MMP26: variants seen among roughly 807,000 people sequenced by gnomAD.
MMP26 encodes matrix metallopeptidase 26, also known as matrix metalloproteinase-26.
MMP26 carries 33 observed loss-of-function variants against 31.0 expected under a neutral mutation model. The observed-to-expected ratio is 1.06, with a 90% CI of 0.81 to 1.42. The LOEUF (loss-of-function observed/expected upper bound fraction) is 1.42, where lower values mean the gene tolerates loss of function less well. Ranked by LOEUF, MMP26 falls within the 40% of genes most tolerant of loss-of-function variation. The pLI is 0.00. For missense variants in MMP26, 347 were observed against 316.1 expected, an observed-to-expected ratio of 1.10 and a Z score of -0.74; for synonymous variants, 122 against 114.9, an observed-to-expected ratio of 1.06 and a Z score of -0.40.
At chr11:4,720,935 T>A (rs1314748244) in intron 1 of MMP26, among the ~76,000 whole-genome samples, 1 of 152,152 alleles carries the variant, frequency 6.6e-6, no homozygotes, top group African/African-American at 2.4e-5. Flanking sequence ...GCTGGAAGTG[T>A]GGGAAAAAAT....
intron 2 of MMP26, chr11:4,973,942 G>C (rs924705147): frequency 9.2e-5 from 14 of 151,992 alleles, no homozygotes; most frequent in African/African-American, 3.4e-4. Context: ...AGAGGTATAA[G>C]TAGATCGGCT....
At chr11:4,803,681 C>T (rs761915005) in intron 2 of MMP26, 42 of 1,613,732 alleles carry the variant, frequency 2.6e-5, no homozygotes, top group Non-Finnish European at 3.2e-5. Context: ...CGGGCTTCAC[C>T]TGAGGGCAAC....
intron 2 of MMP26, among the ~76,000 whole-genome samples, chr11:4,974,457 GTT>G (rs1225609996): frequency 1.3e-5 from 2 of 151,714 alleles, no homozygotes; most frequent in Admixed American, 6.6e-5. Flanking sequence ...TCAAAAATAC[GTT>G]GTCATTCTTT....
In MMP26 at chr11:4,822,048, A is replaced by G. The variant is rs771190598; in HGVS notation, c.-145+54707A>G. On this transcript the variant is annotated intron_variant, in intron 2 of 7. Coordinates refer to ENST00000380390, the MANE Select transcript of MMP26 (RefSeq NM_021801.5). The stretch of plus-strand genomic sequence containing the variant: ...GTCTGTTTGCGCTTTTGTCCACTAC[A>G]GGGTTTGACTGCCCTTGCATCCTGC... 8 of 1,613,928 alleles carry G rather than the reference A, an allele frequency of 5.0e-6. No homozygotes were observed. In the Admixed American group the frequency reaches 1.2e-4, roughly 24 times the overall value.
intron 2 of MMP26, among the ~76,000 whole-genome samples, chr11:4,844,920 G>A (rs1019910569): frequency 6.6e-6 from 1 of 151,986 alleles, no homozygotes; most frequent in Non-Finnish European, 1.5e-5. Context: ...TTAAGAAAAG[G>A]AAATAAAGTC....
In MMP26 at chr11:4,950,678, C is replaced by A. The variant is rs1846363511; in HGVS notation, c.-144-37390C>A. Reference sequence around the variant, plus strand: ...AAGAGTAAATTTCTAATGTTCTCATCAAAAAAAAATATTATTATTATATAT... The same window carrying A: ...AAGAGTAAATTTCTAATGTTCTCATAAAAAAAAAATATTATTATTATATAT... On this transcript the variant is annotated intron_variant, in intron 2 of 7. Coordinates refer to ENST00000380390, the MANE Select transcript of MMP26 (RefSeq NM_021801.5). Among the ~76,000 whole-genome samples, 3 of 41,830 alleles carry A rather than the reference C, an allele frequency of 7.2e-5. 1 individual carries two copies. The highest frequency in any genetic ancestry group is 5.6e-5 in the Non-Finnish European group (1 of 17,864). 27.4% of individuals were successfully genotyped at this position (41,830 alleles called of 152,430 possible).
chr11:4,861,879 C>G (rs1186006494), intron 2 of MMP26, among the ~76,000 whole-genome samples: 2 of 152,060 alleles, frequency 1.3e-5, no homozygotes, highest in African/African-American at 4.8e-5. Flanking sequence ...TCCCAATGTA[C>G]TTAGAAGAAA....
chr11:4,743,374 T>C (rs1848339211), intron 1 of MMP26, among the ~76,000 whole-genome samples: 1 of 152,224 alleles, frequency 6.6e-6, no homozygotes, highest in Non-Finnish European at 1.5e-5. Flanking sequence ...TTATGAAGAC[T>C]ATTGGTAAAA....
At position 4,886,311 on chromosome 11, in the gene MMP26, T is replaced by C. The variant is rs558123988; in HGVS notation, c.-144-101757T>C. On this transcript the variant is annotated intron_variant, in intron 2 of 7. Coordinates refer to ENST00000380390, the MANE Select transcript of MMP26 (RefSeq NM_021801.5). ...CTGCCTGGGCTGAGATTTAAGCTCC[T>C]AACACTTTATTGCTCTATATTCTTA... 5.3e-5 allele frequency among the ~76,000 whole-genome samples: 8 copies of C among 152,234 alleles called. No homozygotes were observed. The Middle Eastern group carries it at 0.01, about 194-fold the overall frequency.
intron 2 of MMP26, chr11:4,822,427 A>G: frequency 1.4e-6 from 2 of 1,403,172 alleles, no homozygotes; most frequent in Non-Finnish European, 1.9e-6. Context: ...GCTTTGCTAC[A>G]ATGGAGTAAT....
At chr11:4,908,523 A>G in intron 2 of MMP26, 1 of 569,766 alleles carries the variant, frequency 1.8e-6, no homozygotes, top group Admixed American at 3.1e-5. Flanking sequence ...TTAACATTTT[A>G]AGGGAAGTTG....
At chr11:4,717,078 A>AT in intron 1 of MMP26, among the ~76,000 whole-genome samples, 1 of 152,020 alleles carries the variant, frequency 6.6e-6, no homozygotes, top group East Asian at 1.9e-4. Flanking sequence ...TTTCATGATG[A>AT]TTTTCACTTA....
chr11:4,838,765 G>C (rs571351839), intron 2 of MMP26, among the ~76,000 whole-genome samples: 1 of 152,252 alleles, frequency 6.6e-6, no homozygotes, highest in South Asian at 2.1e-4. Flanking sequence ...TGTAGGAATA[G>C]AAGGCTCCAC....
intron 2 of MMP26, among the ~76,000 whole-genome samples, chr11:4,811,304 A>G (rs1395355375): frequency 6.6e-6 from 1 of 152,164 alleles, no homozygotes; most frequent in Non-Finnish European, 1.5e-5. Context: ...TTTATCACCT[A>G]GTTGTTAAGT....
intron 2 of MMP26, among the ~76,000 whole-genome samples, chr11:4,927,979 T>C (rs1383965617): frequency 6.6e-6 from 1 of 152,100 alleles, no homozygotes; most frequent in Non-Finnish European, 1.5e-5. Context: ...TAGTTGTGCA[T>C]TTCAAGTTGG....
At chr11:4,740,563 A>G (rs1180865756) in intron 1 of MMP26, among the ~76,000 whole-genome samples, 2 of 151,904 alleles carry the variant, frequency 1.3e-5, no homozygotes, top group East Asian at 3.9e-4. Context: ...GGCGCCTGTA[A>G]TCCCAACTAC....
At chr11:4,954,106 A>T (rs1247078729) in intron 2 of MMP26, among the ~76,000 whole-genome samples, 1 of 125,928 alleles carries the variant, frequency 7.9e-6, no homozygotes, top group African/African-American at 2.7e-5. Flanking sequence ...TGAGAGTTCA[A>T]ATTTAAAAGA....
chr11:4,807,831 C>A (rs541218344), intron 2 of MMP26, among the ~76,000 whole-genome samples: 24 of 152,110 alleles, frequency 1.6e-4, no homozygotes, highest in African/African-American at 5.5e-4. Context: ...TTGAGACATG[C>A]TTTCACTCTG....
chr11:4,955,827 T>C, intron 2 of MMP26: 1 of 714,910 alleles, frequency 1.4e-6, no homozygotes, highest in East Asian at 2.7e-5. Context: ...AAAAAAGCAG[T>C]GTTAAAATTT....
Sources: allele counts gnomAD v4.1 joint callset (sites outside exome capture counted in the v4.1 genomes callset), GRCh38; gene constraint gnomAD v4.1.1; transcripts MANE v1.5; gene names NCBI Gene and HGNC (gene_info 2026-07-23, HGNC 2026-07-21).